Variants in RGS3 observed in about 807,000 individuals in gnomAD.
RGS3 encodes regulator of G protein signaling 3, also known as regulator of G-protein signalling 3.
RGS3 carries 80 observed loss-of-function variants against 132.6 expected under a neutral mutation model. The observed-to-expected ratio is 0.60, with a 90% confidence interval of 0.50 to 0.73. The LOEUF (loss-of-function observed/expected upper bound fraction) is 0.73, where lower values mean the gene tolerates loss of function less well. Among genes scored for constraint, RGS3 ranks in the 30% least tolerant of loss-of-function variants. RGS3 has a pLI of 0.00. For synonymous variants in RGS3, 598 were observed against 620.6 expected, an observed-to-expected ratio of 0.96 and a Z score of 0.54; for missense variants, 1,382 against 1,530.8, an observed-to-expected ratio of 0.90 and a Z score of 1.62.
At chr9:113,494,870 T>C (rs1000883820) in intron 7 of RGS3, among the ~76,000 whole-genome samples, 4 of 148,256 alleles carry the variant, frequency 2.7e-5, no homozygotes, top group Non-Finnish European at 5.9e-5. Flanking sequence ...GAATTCTTCT[T>C]CTTCTTCTTC....
In RGS3 at chr9:113,463,848, C is replaced by G; in HGVS notation, c.415+1647C>G. ...CGTCTCCCTCGGGAGCCGGCGTGCC[C>G]ACCCGGACTTGTCCTTCTACCTCAC... On this transcript the variant is annotated intron_variant, in intron 3 of 24. Transcript: ENST00000350696. The surrounding 1 kb of genome is among the most constrained non-coding windows in gnomAD (Gnocchi z 4.6). 2 of 1,613,202 alleles carry G rather than the reference C, an allele frequency of 1.2e-6. No individual in the cohort carries two copies. The highest frequency in any genetic ancestry group is 1.7e-6 in the Non-Finnish European group (2 of 1,179,834).
intron 4 of RGS3, among the ~76,000 whole-genome samples, chr9:113,481,170 T>G (rs1830147113): frequency 6.6e-6 from 1 of 152,254 alleles, no homozygotes; most frequent in African/African-American, 2.4e-5. Context: ...TTTGCCTTAT[T>G]ATTTCCCCCT....
In RGS3 at chr9:113,567,015, A is replaced by G. The variant is rs549910889; in HGVS notation, c.2038-16435A>G. Among the ~76,000 whole-genome samples the G allele has an allele frequency of 2.6e-4, 40 of 152,360 alleles. 1 individual carries two copies. In the South Asian group the frequency reaches 8.1e-3, roughly 31 times the overall value. On this transcript the variant is annotated intron_variant, in intron 19 of 24. Coordinates refer to ENST00000350696, the Ensembl canonical transcript of RGS3. Reference sequence around the variant, plus strand: ...CGAGTTCCACAACAGGGCTCACTGCAAGCCCAGACTGGCTTCTGAGAAGCA... The same window carrying G: ...CGAGTTCCACAACAGGGCTCACTGCGAGCCCAGACTGGCTTCTGAGAAGCA...
intron 3 of RGS3, among the ~76,000 whole-genome samples, chr9:113,474,658 C>A (rs1464141837): frequency 1.3e-5 from 2 of 152,144 alleles, no homozygotes; most frequent in Non-Finnish European, 2.9e-5. Flanking sequence ...TCCATGTAGA[C>A]CCAACTGCCT....
At chr9:113,584,385 C>G (rs775464153) in exon 20 of RGS3, 1 of 1,540,764 alleles carries the variant, frequency 6.5e-7, no homozygotes, top group South Asian at 1.2e-5. Flanking sequence ...GCAATGGTGG[C>G]TCCATGCACC....
intron 19 of RGS3, among the ~76,000 whole-genome samples, chr9:113,552,940 A>G (rs1011412697): frequency 5.9e-5 from 9 of 152,212 alleles, no homozygotes; most frequent in African/African-American, 1.9e-4. Context: ...GGTAATATAC[A>G]TGCACAAAAC....
intron 22 of RGS3, 51 bp downstream of exon 20, chr9:113,594,582 C>CGGG (rs1283550202): frequency 3.6e-6 from 5 of 1,403,252 alleles, no homozygotes; most frequent in African/African-American, 1.4e-5. Flanking sequence ...ACTGGCTCCC[C>CGGG]GGGGAGTAGG....
At chr9:113,554,120 A>G (rs7025170) in intron 19 of RGS3, among the ~76,000 whole-genome samples, 18,193 of 152,218 alleles carry the variant, frequency 0.12, 1,310 homozygotes, top group African/African-American at 0.19. Flanking sequence ...TAGTTGAGAA[A>G]CCAAAGGAAC....
intron 19 of RGS3, among the ~76,000 whole-genome samples, chr9:113,548,100 G>A (rs1201742015): frequency 2.6e-5 from 4 of 152,208 alleles, no homozygotes; most frequent in Admixed American, 6.5e-5. Flanking sequence ...TAGAAACTTT[G>A]AATGTGGAGC....
rs139257089 is a variant in RGS3, at chr9:113,509,498, T to C, written c.1477+918T>C. Among the ~76,000 whole-genome samples, 249 of 152,240 alleles carry C rather than the reference T, an allele frequency of 1.6e-3. 2 individuals are homozygous for C. Among genetic ancestry groups the C allele is most frequent in the African/African-American group, 5.5e-3 (229 of 41,528 alleles). On this transcript the variant is annotated intron_variant, in intron 14 of 24. Transcript: ENST00000350696. ...CTGGATGGATTCTTCTTCTTTGGCT[T>C]TTAAAATCCTGATCAGGGGTGGAAG...
At chr9:113,531,017 GA>G (rs1832438718) in intron 18 of RGS3, among the ~76,000 whole-genome samples, 1 of 152,216 alleles carries the variant, frequency 6.6e-6, no homozygotes, top group Non-Finnish European at 1.5e-5. Context: ...ATCCAGAGAA[GA>G]AAAAGAGAGT....
At position 113,463,144 on chromosome 9, in the gene RGS3, A is replaced by T. The variant is rs1301414186; in HGVS notation, c.415+943A>T. ...TCAGGCTGTGGGACGGGGGGCCATC[A>T]GGTTGGTTGGAGCAAGCTGCTCCCA... On this transcript the variant is annotated intron_variant, in intron 3 of 24. Transcript: ENST00000350696. This position sits in a 1 kb window ranked among gnomAD's most constrained non-coding sequence, Gnocchi z 4.6. Among the ~76,000 whole-genome samples the T allele has an allele frequency of 1.3e-5, 2 of 152,120 alleles. No homozygotes were observed. Among genetic ancestry groups the T allele is most frequent in the Non-Finnish European group, 2.9e-5 (2 of 68,002 alleles).
At chr9:113,523,509 C>A (rs1361969455) in intron 17 of RGS3, among the ~76,000 whole-genome samples, 1 of 152,136 alleles carries the variant, frequency 6.6e-6, no homozygotes, top group Non-Finnish European at 1.5e-5. Context: ...TACTTGTTGC[C>A]ACCCACTCAC....
At chr9:113,472,342 A>G (rs1829860232) in intron 3 of RGS3, among the ~76,000 whole-genome samples, 1 of 152,234 alleles carries the variant, frequency 6.6e-6, no homozygotes, top group Admixed American at 6.5e-5. Flanking sequence ...GGCATTATTC[A>G]TAGTAGCCAA....
chr9:113,595,798 A>G (rs375997266), intron 24 of RGS3, 33 bp downstream of exon 22: 9 of 1,604,568 alleles, frequency 5.6e-6, no homozygotes, highest in Non-Finnish European at 7.7e-6. Flanking sequence ...CCGCTCCTCC[A>G]ATCCCCAGGG....
At chr9:113,496,031 G>T (rs1830673087) in intron 8 of RGS3, among the ~76,000 whole-genome samples, 185 bp downstream of exon 6, 1 of 152,152 alleles carries the variant, frequency 6.6e-6, no homozygotes, top group South Asian at 2.1e-4. Context: ...TGAGAGTTTG[G>T]GTCCCCTTCT....
chr9:113,506,564 C>G lies in RGS3; in HGVS notation c.1085+71C>G. ...ACCCTCCCCACCCCTGGGCACACTG[C>G]CTTGCCTGGCCCAGCTCTTGCTGCT... On this transcript the variant is annotated intron_variant, in intron 12 of 24. Transcript: ENST00000350696. The surrounding 1 kb of genome is among the most constrained non-coding windows in gnomAD (Gnocchi z 4.7). 1.0e-6 allele frequency: 1 copy of G among 985,830 alleles called. No homozygotes were observed. The highest frequency in any genetic ancestry group is 1.6e-6 in the Non-Finnish European group (1 of 636,710). The allele number at this position is 985,830 out of a possible 1,614,324, so 61.1% of individuals were successfully genotyped here.
intron 10 of RGS3, chr9:113,501,324 G>A: frequency 9.1e-7 from 1 of 1,097,510 alleles, no homozygotes; most frequent in Non-Finnish European, 1.2e-6. Context: ...ATACTAACTA[G>A]TTGACAGGAA....
intron 14 of RGS3, 125 bp downstream of exon 12, chr9:113,508,705 T>C: frequency 2.3e-6 from 2 of 875,592 alleles, no homozygotes; most frequent in Non-Finnish European, 3.7e-6. Context: ...ACTTAGCCTA[T>C]CGACACAGAC....
Sources: gnomAD v4.1 joint callset for allele counts (sites outside exome capture counted in the v4.1 genomes callset) on GRCh38, gnomAD v4.1.1 for gene constraint, Gnocchi (gnomAD v3.1) non-coding constraint, MANE v1.5 for transcripts, NCBI Gene and HGNC (gene_info 2026-07-23, HGNC 2026-07-21) for gene names.